FSTL3: variants seen among roughly 807,000 people sequenced by gnomAD.
FSTL3 encodes the protein follistatin like 3.
A neutral mutation model predicts 28.1 loss-of-function variants in FSTL3; 21 were observed. That is an observed-to-expected ratio of 0.75 (90% CI 0.53 to 1.08). FSTL3 has a LOEUF of 1.08. Ranked by LOEUF, FSTL3 falls within the 50% of genes least tolerant of loss-of-function variation. FSTL3 has a pLI of 0.00. For synonymous variants in FSTL3, 199 were observed against 164.2 expected, an observed-to-expected ratio of 1.21 and a Z score of -1.62; for missense variants, 400 against 380.9, an observed-to-expected ratio of 1.05 and a Z score of -0.42.
chr19:677,389 C>G (rs927902160), intron 1 of FSTL3, among the ~76,000 whole-genome samples: 1 of 152,040 alleles, frequency 6.6e-6, no homozygotes, highest in African/African-American at 2.4e-5. Context: ...TGCCCTCGCC[C>G]TCGGGTGCTG....
chr19:682,857 A>C lies in FSTL3; in HGVS notation c.*1149A>C, dbSNP rs1385506180. On this transcript the variant is annotated 3_prime_UTR_variant, in exon 5 of 5. Transcript: ENST00000166139. ...GGCCCCGAGGGGGGTGTAGACGCCA[A>C]GACTCACGCATGTGTGACATCCGGA... is the stretch of plus-strand genomic sequence containing the variant. 1 of 232,518 alleles carries C rather than the reference A, an allele frequency of 4.3e-6. No homozygotes were observed. The highest frequency in any genetic ancestry group is 6.1e-5 in the East Asian group (1 of 16,520). 14.4% of individuals were successfully genotyped at this position (232,518 alleles called of 1,614,324 possible).
chr19:677,248 G>C (rs1183116737), intron 1 of FSTL3, among the ~76,000 whole-genome samples: 1 of 152,190 alleles, frequency 6.6e-6, no homozygotes, highest in Non-Finnish European at 1.5e-5. Context: ...GCCAAAGGGA[G>C]AGCAGAGCCC....
chr19:681,276 C>G, intron 3 of FSTL3, 57 bp from the exon 4 acceptor site: 2 of 1,291,356 alleles, frequency 1.5e-6, no homozygotes, highest in South Asian at 1.4e-5. Context: ...GGGCCAAGAG[C>G]CCTGCGGGGT....
chr19:677,326 T>G (rs1006125962), intron 1 of FSTL3, among the ~76,000 whole-genome samples: 1 of 151,004 alleles, frequency 6.6e-6, no homozygotes, highest in East Asian at 2.0e-4. Flanking sequence ...CAAGTTGGAG[T>G]GAGTAAGAGG....
chr19:677,819 A>G lies in FSTL3; in HGVS notation c.131A>G (p.Gln44Arg). Residue 44 changes from glutamine (Q) to arginine (R), a missense_variant, in exon 2 of 5, where the codon CAG (glutamine) becomes CGG (arginine). Physicochemically the swap from Gln to Arg is conservative, Grantham distance 43 (BLOSUM62 1). Coordinates refer to ENST00000166139, the MANE Select transcript of FSTL3 (RefSeq NM_005860.3). ...PGGVCWLQQG[Q>R]EATCSLVLQT... ...GGTGTTTGCTGGCTCCAGCAGGGCC[A>G]GGAGGCCACCTGCAGCCTGGTGCTC... is the stretch of plus-strand genomic sequence containing the variant. 1 of 1,611,252 alleles carries G rather than the reference A, an allele frequency of 6.2e-7. No individual in the cohort carries two copies. Among genetic ancestry groups the G allele is most frequent in the Non-Finnish European group, 8.5e-7 (1 of 1,179,658 alleles).
intron 3 of FSTL3, 45 bp downstream of exon 3, chr19:680,534 G>A: frequency 2.7e-6 from 3 of 1,124,306 alleles, no homozygotes; most frequent in Non-Finnish European, 3.4e-6. Context: ...GGGACCTACC[G>A]GACCTGCGCG....
At chr19:680,792 C>G (rs1018957486) in intron 3 of FSTL3, 6 of 302,624 alleles carry the variant, frequency 2.0e-5, no homozygotes, top group Non-Finnish European at 3.7e-5. Flanking sequence ...CGTCTTTATA[C>G]TTCCGAGGGA....
chr19:680,531 A>T (rs981127464), intron 3 of FSTL3, 42 bp downstream of exon 3: 2 of 907,596 alleles, frequency 2.2e-6, no homozygotes, highest in African/African-American at 3.9e-5. Context: ...GGCGGGACCT[A>T]CCGGACCTGC....
In FSTL3 at chr19:681,998, T is replaced by G; in HGVS notation, c.*290T>G. 1.9e-6 allele frequency: 1 copy of G among 536,070 alleles called. No homozygotes were observed. The highest frequency in any genetic ancestry group is 2.2e-5 in the South Asian group (1 of 45,104). 33.2% of individuals were successfully genotyped at this position (536,070 alleles called of 1,614,324 possible). On this transcript the variant is annotated 3_prime_UTR_variant, in exon 5 of 5. Coordinates refer to ENST00000166139, the MANE Select transcript of FSTL3 (RefSeq NM_005860.3). Reference sequence around the variant, plus strand: ...CCCTAAGACCTATTGCCGGGGAGGATTCCACACTTCCGCTCCTTTGGGGAT... The same window carrying G: ...CCCTAAGACCTATTGCCGGGGAGGAGTCCACACTTCCGCTCCTTTGGGGAT...
rs115890931 is a variant in FSTL3, at chr19:682,865, G to A, written c.*1157G>A. 3,006 of 232,424 alleles carry A rather than the reference G, an allele frequency of 0.013. 83 individuals are homozygous for A. Among genetic ancestry groups the A allele is most frequent in the African/African-American group, 0.057 (2,559 of 45,242 alleles). 14.4% of individuals were successfully genotyped at this position (232,424 alleles called of 1,614,324 possible). The stretch of plus-strand genomic sequence containing the variant: ...GGGGGGTGTAGACGCCAAGACTCAC[G>A]CATGTGTGACATCCGGAGTCCTGGA... On this transcript the variant is annotated 3_prime_UTR_variant, in exon 5 of 5. Transcript: ENST00000166139.
At chr19:680,234 C>T (rs1478434248) in intron 2 of FSTL3, 40 bp from the exon 3 acceptor site, 7 of 1,286,730 alleles carry the variant, frequency 5.4e-6, no homozygotes, top group Non-Finnish European at 7.0e-6. Flanking sequence ...GCCCGGGACC[C>T]TCCCGCGCCC....
intron 1 of FSTL3, among the ~76,000 whole-genome samples, chr19:677,577 T>TGGG (rs60824203): frequency 3.1e-5 from 1 of 32,192 alleles, no homozygotes; most frequent in African/African-American, 1.3e-4. Flanking sequence ...GGTGAGGCTG[T>TGGG]GGGGGGGGGC....
chr19:678,226 T>C, intron 2 of FSTL3: 1 of 534,208 alleles, frequency 1.9e-6, no homozygotes, highest in Non-Finnish European at 3.3e-6. Flanking sequence ...GCTCTCTGCC[T>C]GGGTGGCTCT....
Position 681,757 on chromosome 19 carries a change from C to G in FSTL3, c.*49C>G, listed in dbSNP as rs770562121. ...GGTGCCCGAGGCCCCCCATCATCCCCTGTTATTTATTGCCACAGCAGAGTC... is the reference window on the plus strand; with the variant it reads ...GGTGCCCGAGGCCCCCCATCATCCCGTGTTATTTATTGCCACAGCAGAGTC... On this transcript the variant is annotated 3_prime_UTR_variant, in exon 5 of 5. Transcript: ENST00000166139. 2.7e-6 allele frequency: 4 copies of G among 1,465,400 alleles called. No individual in the cohort carries two copies. Among genetic ancestry groups the G allele is most frequent in the African/African-American group, 1.4e-5 (1 of 71,300 alleles). The allele number at this position is 1,465,400 out of a possible 1,614,324, so 90.8% of individuals were successfully genotyped here.
At chr19:678,855 T>C (rs921670508) in intron 2 of FSTL3, among the ~76,000 whole-genome samples, 4 of 151,728 alleles carry the variant, frequency 2.6e-5, no homozygotes, top group African/African-American at 9.7e-5. Context: ...AGCTGGGGTG[T>C]TGGGGGATGT....
At position 682,272 on chromosome 19, in the gene FSTL3, G is replaced by A. The variant is rs1398400548; in HGVS notation, c.*564G>A. ...TGTGTATGGAGGATCTAGCCTGGGT[G>A]AGTATGGAGGGTCTAGCCTGGGTGA... On this transcript the variant is annotated 3_prime_UTR_variant, in exon 5 of 5. Transcript: ENST00000166139. 3 of 269,986 alleles carry A rather than the reference G, an allele frequency of 1.1e-5. No individual in the cohort carries two copies. Among genetic ancestry groups the A allele is most frequent in the African/African-American group, 2.3e-5 (1 of 43,712 alleles). 16.7% of individuals were successfully genotyped at this position (269,986 alleles called of 1,614,324 possible).
intron 2 of FSTL3, among the ~76,000 whole-genome samples, chr19:679,087 C>G (rs1274744858): frequency 6.6e-6 from 1 of 152,090 alleles, no homozygotes; most frequent in Non-Finnish European, 1.5e-5. Flanking sequence ...GCCACATACC[C>G]CTGCTCCCTC....
At chr19:676,906 AG>A (rs2031223749) in intron 1 of FSTL3, among the ~76,000 whole-genome samples, 2 of 64,776 alleles carry the variant, frequency 3.1e-5, no homozygotes, top group Non-Finnish European at 1.2e-4. Flanking sequence ...CCTGGTGCCG[AG>A]AGGTAGTGCT....
In FSTL3 at chr19:682,938, G is replaced by GCACCCA; in HGVS notation, c.*1230_*1231insCACCCA. The GCACCCA allele has an allele frequency of 4.3e-6, 1 of 232,912 alleles. No individual in the cohort carries two copies. Among genetic ancestry groups the GCACCCA allele is most frequent in the Non-Finnish European group, 8.5e-6 (1 of 117,868 alleles). The allele number at this position is 232,912 out of a possible 1,614,324, so 14.4% of individuals were successfully genotyped here. A position where few individuals can be genotyped will look rare whatever the true frequency, so the allele number is the denominator to read the frequency against. On this transcript the variant is annotated 3_prime_UTR_variant, in exon 5 of 5. Transcript: ENST00000166139. Reference sequence around the variant, plus strand: ...CTAGGTGCCTGCTGCCTCCACAGTGGGGTTCACACCCAGGGCTCCTTGGTC... The same window carrying GCACCCA: ...CTAGGTGCCTGCTGCCTCCACAGTGGCACCCAGGTTCACACCCAGGGCTCCTTGGTC...
Sources: gnomAD v4.1 joint callset for allele counts (sites outside exome capture counted in the v4.1 genomes callset) on GRCh38, gnomAD v4.1.1 for gene constraint, MANE v1.5 for transcripts, NCBI Gene and HGNC (gene_info 2026-07-23, HGNC 2026-07-21) for gene names.